The following SV2C variants were observed in gnomAD, a reference collection of about 807,000 sequenced individuals.
SV2C encodes the protein solute carrier family 22 member B3.
In SV2C, 49 loss-of-function variants were observed where a neutral mutation model predicts 79.7. That is an observed-to-expected ratio of 0.61 (90% CI 0.49 to 0.78). SV2C has a LOEUF of 0.78. Ranked by LOEUF, SV2C falls within the 30% of genes least tolerant of loss-of-function variation. The pLI is 0.00. For missense variants in SV2C, 833 were observed against 912.9 expected (o/e 0.91, Z 1.13); for synonymous variants, 334 against 333.2 (o/e 1.00, Z -0.03).
At chr5:76,352,283 T>C (rs1198115384) in intron 12 of SV2C, among the ~76,000 whole-genome samples, 1 of 152,122 alleles carries the variant, frequency 6.6e-6, no homozygotes, top group East Asian at 1.9e-4. Context: ...TAAAGATTAA[T>C]TATGAACGTA....
At position 76,190,315 on chromosome 5, in the gene SV2C, A is replaced by G. The variant is rs186653230; in HGVS notation, c.581-4604A>G. Among the ~76,000 whole-genome samples, 337 of 152,364 alleles carry G rather than the reference A, an allele frequency of 2.2e-3. 3 individuals carry two copies. Among genetic ancestry groups the G allele is most frequent in the African/African-American group, 7.1e-3 (297 of 41,592 alleles). On this transcript the variant is annotated intron_variant, in intron 2 of 12. Coordinates refer to ENST00000502798, the MANE Select transcript of SV2C (RefSeq NM_014979.4). ...AAGGAAAAGTGTGAATTTAGAGCCA[A>G]GGTCCAGGGTGGGAGAGTTAGTGGA... is the stretch of plus-strand genomic sequence containing the variant.
At chr5:75,944,981 A>C in the SV2C span, among the ~76,000 whole-genome samples, 2 of 152,072 alleles carry the variant, frequency 1.3e-5, no homozygotes, top group Non-Finnish European at 2.9e-5. Flanking sequence ...CATCTGACCA[A>C]TGTGTGAAAA....
chr5:76,295,780 A>G lies in SV2C; in HGVS notation c.1340A>G (p.Tyr447Cys). 6.2e-7 allele frequency: 1 copy of G among 1,608,366 alleles called. No homozygotes were observed. The change falls in exon 9 of 13, where the codon TAC becomes TGC. Residue 447 changes from tyrosine to cysteine, a missense_variant and splice_region_variant. Physicochemically the swap from Tyr to Cys is radical, Grantham distance 194 (BLOSUM62 -2). Coordinates refer to ENST00000502798, the MANE Select transcript of SV2C (RefSeq NM_014979.4). ...CTCACATTTCTTTGTCTTTGCAGGT[A>G]CTATGGATTATCCGTTTGGTTCCCT... ...TIVWFTLSFGYYGLSVWFPDV... is the reference protein window; with the variant it reads ...TIVWFTLSFGCYGLSVWFPDV...
intron 3 of SV2C, among the ~76,000 whole-genome samples, chr5:76,209,008 A>C (rs1410048633): frequency 1.3e-5 from 2 of 152,160 alleles, no homozygotes; most frequent in Non-Finnish European, 2.9e-5. Flanking sequence ...TGTTTCTGTC[A>C]TCTCCCCAGA....
the SV2C span, among the ~76,000 whole-genome samples, chr5:75,956,478 A>C: frequency 4.6e-5 from 7 of 151,778 alleles, no homozygotes; most frequent in African/African-American, 1.7e-4. Flanking sequence ...GCACACCAGC[A>C]TGGCACATGT....
At chr5:76,196,580 G>A (rs1442204361) in intron 3 of SV2C, among the ~76,000 whole-genome samples, 1 of 152,156 alleles carries the variant, frequency 6.6e-6, no homozygotes, top group Non-Finnish European at 1.5e-5. Flanking sequence ...GGGGCTATTA[G>A]TTAAAGGACC....
At chr5:76,340,776 T>G in intron 12 of SV2C, among the ~76,000 whole-genome samples, 1 of 152,200 alleles carries the variant, frequency 6.6e-6, no homozygotes, top group African/African-American at 2.4e-5. Context: ...TTTTTAAAAT[T>G]TTTTATTATT....
At chr5:76,027,941 T>G in the SV2C span, among the ~76,000 whole-genome samples, 1 of 152,210 alleles carries the variant, frequency 6.6e-6, no homozygotes. Flanking sequence ...GATTCTCCTC[T>G]CAGGTAGTTT....
chr5:76,121,365 T>C (rs943126019), intron 1 of SV2C, among the ~76,000 whole-genome samples: 1 of 151,826 alleles, frequency 6.6e-6, no homozygotes, highest in Non-Finnish European at 1.5e-5. Flanking sequence ...AGAAGCTCTT[T>C]AGTTTAATTA....
intron 4 of SV2C, among the ~76,000 whole-genome samples, chr5:76,220,618 A>G (rs911922034): frequency 3.4e-4 from 6 of 17,754 alleles, no homozygotes; most frequent in Non-Finnish European, 6.6e-4. Flanking sequence ...ACACTGTCTT[A>G]AAAAAAAAAA....
At chr5:76,291,698 G>A (rs878933556) in intron 7 of SV2C, 70 bp from the exon 8 acceptor site, 1 of 1,028,556 alleles carries the variant, frequency 9.7e-7, no homozygotes, top group Admixed American at 2.3e-5. Flanking sequence ...TTATAATTTG[G>A]TGGAAGGGGT....
At chr5:75,906,501 A>G in the SV2C span, among the ~76,000 whole-genome samples, 91 of 151,956 alleles carry the variant, frequency 6.0e-4, no homozygotes, top group African/African-American at 2.1e-3. Context: ...GAATAGGCAA[A>G]TGGGTTTCTA....
At chr5:76,077,993 G>T in the SV2C span, among the ~76,000 whole-genome samples, 1 of 152,218 alleles carries the variant, frequency 6.6e-6, no homozygotes, top group African/African-American at 2.4e-5. Context: ...CAGGATTAGT[G>T]TTCAGGAAGT....
At chr5:76,017,061 T>C in the SV2C span, among the ~76,000 whole-genome samples, 1 of 152,218 alleles carries the variant, frequency 6.6e-6, no homozygotes, top group Admixed American at 6.5e-5. Context: ...ATACCTTGTA[T>C]AATTTCATCA....
the SV2C span, among the ~76,000 whole-genome samples, chr5:75,848,128 A>G: frequency 1.3e-5 from 2 of 152,222 alleles, no homozygotes; most frequent in Non-Finnish European, 2.9e-5. Flanking sequence ...GCCTCCCAGG[A>G]AGTCACCTAT....
the SV2C span, among the ~76,000 whole-genome samples, chr5:76,028,585 T>C: frequency 6.6e-6 from 1 of 152,194 alleles, no homozygotes; most frequent in Admixed American, 6.5e-5. Context: ...AGCCCCGCTT[T>C]TGAACTTAGA....
At chr5:75,877,940 GAA>G in the SV2C span, among the ~76,000 whole-genome samples, 10 of 121,414 alleles carry the variant, frequency 8.2e-5, no homozygotes, top group East Asian at 1.7e-3. Flanking sequence ...GGGAGTGATA[GAA>G]AAAAAAAAAA....
At chr5:75,933,763 C>T in the SV2C span, among the ~76,000 whole-genome samples, 3 of 152,214 alleles carry the variant, frequency 2.0e-5, no homozygotes, top group Non-Finnish European at 2.9e-5. Context: ...TCTATAGCAG[C>T]CTGCTCCAGT....
At chr5:76,281,623 T>A (rs1191258521) in intron 4 of SV2C, among the ~76,000 whole-genome samples, 1 of 152,192 alleles carries the variant, frequency 6.6e-6, no homozygotes, top group Non-Finnish European at 1.5e-5. Context: ...TTCGCAGGGC[T>A]TCTAGAGTCT....
Sources: allele counts gnomAD v4.1 joint callset (sites outside exome capture counted in the v4.1 genomes callset), GRCh38; gene constraint gnomAD v4.1.1; transcripts MANE v1.5; gene names NCBI Gene and HGNC (gene_info 2026-07-23, HGNC 2026-07-21).